The following ST8SIA4 variants were observed in gnomAD, a reference collection of about 807,000 sequenced individuals.
The protein encoded by ST8SIA4 is ST8 alpha-N-acetyl-neuraminide alpha-2,8-sialyltransferase 4, also known as CMP-N-acetylneuraminate-poly-alpha-2,8-sialyltransferase.
In ST8SIA4, 15 loss-of-function variants were observed where a neutral mutation model predicts 33.9. The ratio of observed to expected loss-of-function variants is 0.44; its 90% CI spans 0.30 to 0.68. ST8SIA4 has a LOEUF of 0.68. Among genes scored for constraint, ST8SIA4 ranks in the 30% least tolerant of loss-of-function variants. The pLI, the probability that ST8SIA4 is intolerant of heterozygous loss-of-function variation, is 0.10. For missense variants in ST8SIA4, 321 were observed against 428.0 expected (o/e 0.75, Z 2.21); for synonymous variants, 171 against 151.2 (o/e 1.13, Z -0.96).
chr5:100,837,100 T>A (rs1440459368), intron 4 of ST8SIA4, among the ~76,000 whole-genome samples: 1 of 151,572 alleles, frequency 6.6e-6, no homozygotes, highest in Non-Finnish European at 1.5e-5. Context: ...AAAACCTGAG[T>A]CATCAGTAAG....
At chr5:100,813,407 G>A (rs868042838) in intron 4 of ST8SIA4, among the ~76,000 whole-genome samples, 1 of 151,888 alleles carries the variant, frequency 6.6e-6, no homozygotes, top group South Asian at 2.1e-4. Flanking sequence ...TTTAGTGAAG[G>A]CCATGGGCTA....
At position 100,862,590 on chromosome 5, in the gene ST8SIA4, C is replaced by T. The variant is rs1054977311; in HGVS notation, c.504-6194G>A. 1.1e-3 allele frequency among the ~76,000 whole-genome samples: 168 copies of T among 151,434 alleles called. 2 individuals carry two copies. Among genetic ancestry groups the T allele is most frequent in the Non-Finnish European group, 3.8e-4 (26 of 67,808 alleles). Reference sequence around the variant, plus strand: ...TTTTTTTTTGTATTTTTAGTAGAGACGGGGTTTCACTATGTTTGTCATGCT... The same window carrying T: ...TTTTTTTTTGTATTTTTAGTAGAGATGGGGTTTCACTATGTTTGTCATGCT... On this transcript the variant is annotated intron_variant, in intron 3 of 4. Coordinates refer to ENST00000231461, the MANE Select transcript of ST8SIA4 (RefSeq NM_005668.6).
intron 3 of ST8SIA4, among the ~76,000 whole-genome samples, chr5:100,885,106 T>C (rs139224440): frequency 1.3e-5 from 2 of 150,362 alleles, no homozygotes; most frequent in East Asian, 3.9e-4. Flanking sequence ...GACTTCGACA[T>C]TTGAAGCTCC....
At chr5:100,832,105 C>T (rs185463069) in intron 4 of ST8SIA4, among the ~76,000 whole-genome samples, 4 of 152,118 alleles carry the variant, frequency 2.6e-5, no homozygotes, top group Admixed American at 2.6e-4. Flanking sequence ...ATAACAAACA[C>T]TCCATATTTG....
At chr5:100,887,935 C>T (rs1449508740) in intron 2 of ST8SIA4, among the ~76,000 whole-genome samples, 1 of 151,860 alleles carries the variant, frequency 6.6e-6, no homozygotes, top group African/African-American at 2.4e-5. Flanking sequence ...TTTAAATGTT[C>T]CTGTAACCCC....
intron 4 of ST8SIA4, chr5:100,849,430 T>A (rs1482023639): frequency 2.0e-6 from 2 of 985,290 alleles, no homozygotes; most frequent in Non-Finnish European, 1.2e-6. Context: ...TCAAATCCTC[T>A]TTAAAATCAA....
chr5:100,895,889 T>C (rs1752770021), intron 1 of ST8SIA4, 104 bp from the exon 2 acceptor site: 2 of 1,241,394 alleles, frequency 1.6e-6, no homozygotes, highest in Non-Finnish European at 2.2e-6. Flanking sequence ...TTTTAGATAC[T>C]TTTTCCCCTA....
At position 100,886,620 on chromosome 5, in the gene ST8SIA4, A is replaced by G. The variant is rs1752543888; in HGVS notation, c.246-20T>C. The G allele has an allele frequency of 6.3e-7, 1 of 1,586,686 alleles. No homozygotes were observed. Among genetic ancestry groups the G allele is most frequent in the Non-Finnish European group, 8.7e-7 (1 of 1,155,726 alleles). ...TTCTTCCTGTATTTGAAATACAAGCAAAGTTTTACATTACCATCAGCATAT... is the reference window on the plus strand; with the variant it reads ...TTCTTCCTGTATTTGAAATACAAGCGAAGTTTTACATTACCATCAGCATAT... On this transcript the variant is annotated intron_variant, in intron 2 of 4. Transcript: ENST00000231461.
chr5:100,867,644 C>T (rs1206351689), intron 3 of ST8SIA4, among the ~76,000 whole-genome samples: 2 of 151,916 alleles, frequency 1.3e-5, no homozygotes, highest in South Asian at 2.1e-4. Context: ...ACAGAAATGT[C>T]GCTTTGACAT....
At chr5:100,843,072 A>G (rs1751501770) in intron 4 of ST8SIA4, among the ~76,000 whole-genome samples, 1 of 151,944 alleles carries the variant, frequency 6.6e-6, no homozygotes, top group African/African-American at 2.4e-5. Flanking sequence ...ATAAAGGCCA[A>G]TAATTTATTA....
intron 2 of ST8SIA4, among the ~76,000 whole-genome samples, chr5:100,888,171 A>T (rs138693522): frequency 0.017 from 2,621 of 151,766 alleles, 35 homozygotes; most frequent in Middle Eastern, 0.027. Flanking sequence ...ACAAGAAGGG[A>T]AGAGTCCGGG....
intron 3 of ST8SIA4, among the ~76,000 whole-genome samples, chr5:100,883,645 G>A (rs560839379): frequency 3.5e-4 from 53 of 152,258 alleles, no homozygotes; most frequent in Admixed American, 9.8e-4. Context: ...TGTGTTGTGG[G>A]AGGGACCAGT....
chr5:100,829,821 T>C (rs1185523093), intron 4 of ST8SIA4, among the ~76,000 whole-genome samples: 2 of 148,558 alleles, frequency 1.3e-5, no homozygotes, highest in Admixed American at 1.4e-4. Flanking sequence ...GGCAGGAGAA[T>C]GGCGTGAACC....
chr5:100,826,224 C>G (rs1414701004), intron 4 of ST8SIA4, among the ~76,000 whole-genome samples: 4 of 151,892 alleles, frequency 2.6e-5, no homozygotes, highest in Non-Finnish European at 5.9e-5. Context: ...TGCCACACAC[C>G]CTGGCCAGTT....
intron 4 of ST8SIA4, among the ~76,000 whole-genome samples, chr5:100,835,561 A>G: frequency 6.6e-6 from 1 of 152,172 alleles, no homozygotes; most frequent in Non-Finnish European, 1.5e-5. Flanking sequence ...ATTCGTATTC[A>G]TTCATACCAA....
chr5:100,864,492 G>A (rs1014174077), intron 3 of ST8SIA4, among the ~76,000 whole-genome samples: 9 of 149,038 alleles, frequency 6.0e-5, no homozygotes, highest in Admixed American at 4.1e-4. Flanking sequence ...GGAGAATGGC[G>A]TGAACCTGGG....
intron 2 of ST8SIA4, among the ~76,000 whole-genome samples, chr5:100,895,111 A>G (rs1752752634): frequency 6.6e-6 from 1 of 152,094 alleles, no homozygotes; most frequent in South Asian, 2.1e-4. Flanking sequence ...AGTGGGTTTC[A>G]GCTAAAATGA....
chr5:100,886,034 A>C, intron 3 of ST8SIA4: 1 of 1,085,552 alleles, frequency 9.2e-7, no homozygotes, highest in Non-Finnish European at 1.1e-6. Context: ...TGAAGAAGAG[A>C]TACTAAGAAA....
chr5:100,896,485 C>T (rs947095428), intron 1 of ST8SIA4, among the ~76,000 whole-genome samples: 6 of 152,010 alleles, frequency 3.9e-5, no homozygotes, highest in Admixed American at 3.9e-4. Context: ...CAAAATTTCA[C>T]ACTTAGACGG....
Sources: allele counts gnomAD v4.1 joint callset (sites outside exome capture counted in the v4.1 genomes callset), GRCh38; gene constraint gnomAD v4.1.1; transcripts MANE v1.5; gene names NCBI Gene and HGNC (gene_info 2026-07-23, HGNC 2026-07-21).